DDX1: variants seen among roughly 807,000 people sequenced by gnomAD.
DDX1 encodes ATP-dependent RNA helicase DDX1.
A neutral mutation model predicts 108.7 loss-of-function variants in DDX1; 28 were observed. That is an observed-to-expected ratio of 0.26 (90% CI 0.19 to 0.35). DDX1 has a LOEUF of 0.35. Among genes scored for constraint, DDX1 ranks in the 10% least tolerant of loss-of-function variants. The probability of loss-of-function intolerance (pLI) is 1.00; values close to 1 mark genes in which losing one functional copy is unlikely to be tolerated. For synonymous variants in DDX1, 295 were observed against 288.9 expected, an observed-to-expected ratio of 1.02 and a Z score of -0.21; for missense variants, 710 against 884.5, an observed-to-expected ratio of 0.80 and a Z score of 2.50.
chr2:15,631,028 G>A lies in DDX1; in HGVS notation c.*122G>A. 2 of 844,290 alleles carry A rather than the reference G, an allele frequency of 2.4e-6. No homozygotes were observed. The highest frequency in any genetic ancestry group is 3.4e-6 in the Non-Finnish European group (2 of 589,228). The allele number at this position is 844,290 out of a possible 1,614,324, so 52.3% of individuals were successfully genotyped here. A position where few individuals can be genotyped will look rare whatever the true frequency, so the allele number is the denominator to read the frequency against. Reference sequence around the variant, plus strand: ...ACGTAAGCTATTAATGCTAACTCTTGCATGTCAAGAAACATTAGTCTTAGG... The same window carrying A: ...ACGTAAGCTATTAATGCTAACTCTTACATGTCAAGAAACATTAGTCTTAGG... On this transcript the variant is annotated 3_prime_UTR_variant, in exon 26 of 26. Coordinates refer to ENST00000233084, the MANE Select transcript of DDX1 (RefSeq NM_004939.3).
chr2:15,594,122 C>A (rs574167904), intron 1 of DDX1, among the ~76,000 whole-genome samples: 11 of 151,796 alleles, frequency 7.2e-5, no homozygotes, highest in Non-Finnish European at 7.4e-5. Flanking sequence ...GTTAGGAGAG[C>A]CTTCTTTGAA....
intron 3 of DDX1, 144 bp downstream of exon 3, chr2:15,595,697 GGTAA>G: frequency 1.6e-6 from 1 of 629,188 alleles, no homozygotes; most frequent in Non-Finnish European, 2.8e-6. Flanking sequence ...GCTTCAAACA[GGTAA>G]GTATTTACTC....
At position 15,613,244 on chromosome 2, in the gene DDX1, G is replaced by T. The variant is rs781623484; in HGVS notation, c.977G>T (p.Gly326Val). Residue 326 changes from glycine (G) to valine (V), a missense_variant, in exon 14 of 26, where the codon GGT becomes GTT. Coordinates refer to ENST00000233084, the MANE Select transcript of DDX1 (RefSeq NM_004939.3). ...PKLRELLIIG[G>V]VAARDQLSVL... The stretch of plus-strand genomic sequence containing the variant: ...TTCAGGGAGCTTCTGATAATTGGAG[G>T]TGTTGCAGCCCGGGATCAGCTCTCT... 16 of 1,601,470 alleles carry T rather than the reference G, an allele frequency of 1.0e-5. No homozygotes were observed. Among genetic ancestry groups the T allele is most frequent in the African/African-American group, 1.4e-5 (1 of 73,982 alleles).
chr2:15,608,554 CTTGGTTCA>C (rs1387254109), intron 13 of DDX1, among the ~76,000 whole-genome samples: 1 of 146,756 alleles, frequency 6.8e-6, no homozygotes, highest in Non-Finnish European at 1.5e-5. Flanking sequence ...GCAAGTGTTT[CTTGGTTCA>C]TTGGTTTTTA....
intron 13 of DDX1, among the ~76,000 whole-genome samples, chr2:15,611,426 G>A (rs546126283): frequency 6.2e-4 from 93 of 149,058 alleles, no homozygotes; most frequent in South Asian, 1.5e-3. Flanking sequence ...GGTGGTGGCC[G>A]GGCAGAGGGG....
chr2:15,616,209 G>A (rs1009779651), intron 14 of DDX1, among the ~76,000 whole-genome samples: 1 of 152,126 alleles, frequency 6.6e-6, no homozygotes, highest in Non-Finnish European at 1.5e-5. Flanking sequence ...CACCGCGCCG[G>A]CCCATATACA....
intron 19 of DDX1, among the ~76,000 whole-genome samples, chr2:15,624,996 A>G (rs1431145898): frequency 6.6e-6 from 1 of 152,182 alleles, no homozygotes; most frequent in Non-Finnish European, 1.5e-5. Context: ...TGACAAAAAG[A>G]TGCTAGAATG....
intron 17 of DDX1, 134 bp from the exon 18 acceptor site, chr2:15,620,931 G>A: frequency 1.8e-6 from 1 of 560,806 alleles, no homozygotes; most frequent in South Asian, 3.1e-5. Context: ...TTTGCCTACA[G>A]ATTATATTAT....
chr2:15,595,756 T>C (rs1258177840), intron 3 of DDX1, among the ~76,000 whole-genome samples: 1 of 152,224 alleles, frequency 6.6e-6, no homozygotes, highest in African/African-American at 2.4e-5. Context: ...TGTATAAGAA[T>C]GAATCTCGTA....
intron 1 of DDX1, 28 bp from the exon 2 acceptor site, chr2:15,595,117 G>C: frequency 6.4e-7 from 1 of 1,566,206 alleles, no homozygotes; most frequent in Admixed American, 1.8e-5. Context: ...CAGTTTATGT[G>C]GTTTTTAAAA....
chr2:15,627,681 T>C (rs1324571872), intron 20 of DDX1: 1 of 152,840 alleles, frequency 6.5e-6, no homozygotes, highest in African/African-American at 2.4e-5. Flanking sequence ...GTAACCTGTC[T>C]ACCTGCAAGC....
At chr2:15,603,372 G>T in intron 8 of DDX1, 97 bp downstream of exon 8, 1 of 869,164 alleles carries the variant, frequency 1.2e-6, no homozygotes, top group Non-Finnish European at 1.8e-6. Context: ...ACCATAAAAA[G>T]GTTTTATTTT....
intron 13 of DDX1, among the ~76,000 whole-genome samples, chr2:15,608,265 A>G (rs566545121): frequency 6.6e-6 from 1 of 150,450 alleles, no homozygotes; most frequent in South Asian, 2.1e-4. Context: ...GTGGTGACTC[A>G]CGCCTGTATT....
At position 15,616,176 on chromosome 2, in the gene DDX1, G is replaced by T. The variant is rs1665890567; in HGVS notation, c.1018-1068G>T. On this transcript the variant is annotated intron_variant, in intron 14 of 25. Coordinates refer to ENST00000233084, the MANE Select transcript of DDX1 (RefSeq NM_004939.3). ...AATCTGCCTGCCTCGGCCTCCCAAAGTGCTAGGATTACAGGCGTGAGCCAC... is the reference window on the plus strand; with the variant it reads ...AATCTGCCTGCCTCGGCCTCCCAAATTGCTAGGATTACAGGCGTGAGCCAC... 2.0e-5 allele frequency among the ~76,000 whole-genome samples: 3 copies of T among 152,264 alleles called. No individual in the cohort carries two copies. In the South Asian group the frequency reaches 6.2e-4, roughly 32 times the overall value.
chr2:15,592,813 T>C (rs551792974), intron 1 of DDX1, among the ~76,000 whole-genome samples: 234 of 152,234 alleles, frequency 1.5e-3, no homozygotes, highest in African/African-American at 5.4e-3. Flanking sequence ...ATTAACTTTT[T>C]AAGATGACTT....
chr2:15,607,992 G>A lies in DDX1; in HGVS notation c.956+679G>A, dbSNP rs548429205. The stretch of plus-strand genomic sequence containing the variant: ...TTATTCTAGACTGCATCACGGTGGT[G>A]GCTTTCTTCCATTTGGACATTCAGA... On this transcript the variant is annotated intron_variant, in intron 13 of 25. Coordinates refer to ENST00000233084, the MANE Select transcript of DDX1 (RefSeq NM_004939.3). 1.8e-3 allele frequency among the ~76,000 whole-genome samples: 276 copies of A among 152,118 alleles called. 1 individual carries two copies. Among genetic ancestry groups the A allele is most frequent in the Non-Finnish European group, 2.8e-3 (190 of 67,982 alleles).
At chr2:15,610,025 C>G (rs1278670377) in intron 13 of DDX1, among the ~76,000 whole-genome samples, 1 of 152,172 alleles carries the variant, frequency 6.6e-6, no homozygotes, top group Non-Finnish European at 1.5e-5. Context: ...GTCTCAAACT[C>G]TAGGGCTCAA....
At chr2:15,629,770 A>G (rs1446122873) in intron 24 of DDX1, 73 bp downstream of exon 24, 2 of 1,235,926 alleles carry the variant, frequency 1.6e-6, no homozygotes, top group South Asian at 1.6e-5. Context: ...TTCAAAAATT[A>G]TATCTTGGCT....
At position 15,613,237 on chromosome 2, in the gene DDX1, A is replaced by G; in HGVS notation, c.970A>G (p.Ile324Val). 6 of 1,598,558 alleles carry G rather than the reference A, an allele frequency of 3.8e-6. No homozygotes were observed. The highest frequency in any genetic ancestry group is 5.1e-6 in the Non-Finnish European group (6 of 1,174,264). ...DNPKLRELLI[I>V]GGVAARDQLS... Reference sequence around the variant, plus strand: ...TATTTATTTCAGGGAGCTTCTGATAATTGGAGGTGTTGCAGCCCGGGATCA... The same window carrying G: ...TATTTATTTCAGGGAGCTTCTGATAGTTGGAGGTGTTGCAGCCCGGGATCA... Residue 324 changes from isoleucine to valine, a missense_variant, in exon 14 of 26, where the codon ATT becomes GTT. Physicochemically the swap from Ile to Val is conservative, Grantham distance 29. Coordinates refer to ENST00000233084, the MANE Select transcript of DDX1 (RefSeq NM_004939.3).
Sources: allele counts gnomAD v4.1 joint callset (sites outside exome capture counted in the v4.1 genomes callset), GRCh38; gene constraint gnomAD v4.1.1; transcripts MANE v1.5; gene names NCBI Gene and HGNC (gene_info 2026-07-23, HGNC 2026-07-21).